Variants in NHERF2 observed in about 807,000 individuals in gnomAD.
NHERF2 encodes NHERF family PDZ scaffold protein 2.
chr16:2,038,262 A>AGC, the NHERF2 span: 1 of 562,822 alleles, frequency 1.8e-6, no homozygotes, highest in Non-Finnish European at 3.2e-6. Flanking sequence ...ACAGAGAGAG[A>AGC]GCGAGCGAGC....
chr16:2,036,958 C>G, the NHERF2 span: 43 of 1,557,180 alleles, frequency 2.8e-5, no homozygotes, highest in Non-Finnish European at 3.6e-5. Flanking sequence ...CCCACAGGTC[C>G]TCTGCCGTCA....
the NHERF2 span, among the ~76,000 whole-genome samples, chr16:2,031,474 C>T: frequency 1.1e-4 from 17 of 152,324 alleles, no homozygotes; most frequent in African/African-American, 3.8e-4. Flanking sequence ...TGGAAAAATC[C>T]GGCCCTCGGA....
At chr16:2,036,422 G>A in the NHERF2 span, 1 of 1,607,528 alleles carries the variant, frequency 6.2e-7, no homozygotes, top group Non-Finnish European at 8.5e-7. Flanking sequence ...ACAAGTCCCG[G>A]CCCGGCCAGT....
chr16:2,028,834 C>T, the NHERF2 span, among the ~76,000 whole-genome samples: 2 of 152,198 alleles, frequency 1.3e-5, no homozygotes, highest in Non-Finnish European at 2.9e-5. Context: ...GCTGGCCCCC[C>T]GCGTGGTCCA....
the NHERF2 span, chr16:2,035,654 A>G: frequency 7.1e-5 from 70 of 985,662 alleles, 1 homozygote; most frequent in Admixed American, 6.1e-5. Flanking sequence ...CCTTGCCTGC[A>G]TGGTCCCCTG....
At chr16:2,035,478 G>GCA in the NHERF2 span, 1 of 986,170 alleles carries the variant, frequency 1.0e-6, no homozygotes, top group Non-Finnish European at 1.2e-6. Flanking sequence ...CAGCCCGCCT[G>GCA]CACAGTCTCC....
the NHERF2 span, chr16:2,036,219 T>C: frequency 3.4e-6 from 4 of 1,183,794 alleles, no homozygotes; most frequent in East Asian, 2.6e-5. Context: ...GGCCTGCCCG[T>C]GGGGGGCACG....
the NHERF2 span, among the ~76,000 whole-genome samples, chr16:2,027,625 G>T: frequency 2.0e-5 from 3 of 152,252 alleles, no homozygotes; most frequent in African/African-American, 7.2e-5. Context: ...GGTCAGCCAT[G>T]TGTGCATGCG....
At chr16:2,031,970 G>T in the NHERF2 span, among the ~76,000 whole-genome samples, 1 of 151,822 alleles carries the variant, frequency 6.6e-6, no homozygotes, top group Non-Finnish European at 1.5e-5. Context: ...GGGATTACAG[G>T]TGTGAGCCAC....
the NHERF2 span, chr16:2,032,939 C>T: frequency 4.2e-4 from 454 of 1,085,784 alleles, 1 homozygote; most frequent in Admixed American, 1.1e-3. This position sits in a 1 kb window ranked among gnomAD's most constrained non-coding sequence, Gnocchi z 4.0. Flanking sequence ...GACAGTTCTG[C>T]GGGAGGCGGC....
At chr16:2,036,002 G>A in the NHERF2 span, 9 of 339,790 alleles carry the variant, frequency 2.6e-5, no homozygotes, top group East Asian at 1.5e-4. Context: ...GGCCAACGGC[G>A]ACAGTTCATC....
At chr16:2,027,943 C>T in the NHERF2 span, among the ~76,000 whole-genome samples, 1 of 152,248 alleles carries the variant, frequency 6.6e-6, no homozygotes, top group Non-Finnish European at 1.5e-5. Flanking sequence ...ACTACTCCTC[C>T]TCAGAGGCTG....
chr16:2,030,712 G>A, the NHERF2 span, among the ~76,000 whole-genome samples: 1 of 151,762 alleles, frequency 6.6e-6, no homozygotes, highest in African/African-American at 2.4e-5. Flanking sequence ...GCTGAGATGG[G>A]TGGATCACCT....
the NHERF2 span, chr16:2,029,803 A>T: frequency 6.5e-7 from 1 of 1,542,014 alleles, no homozygotes; most frequent in South Asian, 1.2e-5. Flanking sequence ...CTTGGCCCAC[A>T]GGGACCACCC....
At chr16:2,027,291 C>A in the NHERF2 span, 1 of 959,648 alleles carries the variant, frequency 1.0e-6, no homozygotes, top group Non-Finnish European at 1.4e-6. Context: ...GCAGGGGTCG[C>A]ACGGGGGCCC....
At chr16:2,033,555 G>T in the NHERF2 span, 2,259 of 1,042,464 alleles carry the variant, frequency 2.2e-3, 41 homozygotes, top group African/African-American at 0.034. Context: ...AACAATGAAG[G>T]CCTTTCTCTG....
the NHERF2 span, chr16:2,037,927 C>G: frequency 6.2e-7 from 1 of 1,613,216 alleles, no homozygotes. Context: ...TGCGAGTCAA[C>G]AAGCGCGCGC....
At chr16:2,031,446 G>C in the NHERF2 span, among the ~76,000 whole-genome samples, 941 of 152,328 alleles carry the variant, frequency 6.2e-3, 6 homozygotes, top group South Asian at 0.021. Flanking sequence ...GGACACAAAC[G>C]CATGGTTCAC....
chr16:2,028,850 T>C, the NHERF2 span, among the ~76,000 whole-genome samples: 1 of 152,154 alleles, frequency 6.6e-6, no homozygotes, highest in Non-Finnish European at 1.5e-5. Flanking sequence ...GTCCAGACAC[T>C]TCACAGGCAC....
Sources: allele counts gnomAD v4.1 joint callset (sites outside exome capture counted in the v4.1 genomes callset), GRCh38; gene constraint gnomAD v4.1.1; non-coding constraint Gnocchi (gnomAD v3.1); transcripts MANE v1.5; gene names NCBI Gene and HGNC (gene_info 2026-07-23, HGNC 2026-07-21).